SLC9A6: variants seen among roughly 807,000 people sequenced by gnomAD.
SLC9A6 encodes sodium/hydrogen exchanger 6.
In SLC9A6, 6 loss-of-function variants were observed where a neutral mutation model predicts 45.3. The observed-to-expected ratio is 0.13, with a 90% CI of 0.07 to 0.26. The LOEUF is 0.26. Ranked by LOEUF, SLC9A6 falls within the 10% of genes least tolerant of loss-of-function variation. SLC9A6 has a pLI of 1.00. For synonymous variants in SLC9A6, 191 were observed against 187.7 expected (o/e 1.02, Z -0.14); for missense variants, 278 against 503.7 (o/e 0.55, Z 4.29).
Position 135,994,959 on chromosome X carries a change from G to A in SLC9A6, c.343G>A (p.Val115Ile). 1 of 1,196,245 alleles carries A rather than the reference G, an allele frequency of 8.4e-7. No individual in the cohort carries two copies. Among genetic ancestry groups the A allele is most frequent in the Non-Finnish European group, 1.1e-6 (1 of 881,530 alleles). Residue 115 changes from valine (V) to isoleucine (I), a missense_variant, in exon 3 of 18, where the codon GTT becomes ATT. Coordinates refer to ENST00000630721, the MANE Select transcript of SLC9A6 (RefSeq NM_001379110.1). ...GEISSHELNN[V>I]QDNEMLRKVT... is the part of the protein sequence containing the mutation. ...GATTAGTTCACATGAACTCAATAAT[G>A]TTCAAGATAATGAAATGCTTAGAAA...
rs147078298 is a variant in SLC9A6, at chrX:136,015,575, G to A, written c.1081-1070G>A. ...CACTGAGTTTTTGTGGGATTAAAAC[G>A]AGATAATGCATATGAAGTCCTTAGT... On this transcript the variant is annotated intron_variant, in intron 10 of 17. Coordinates refer to ENST00000630721, the MANE Select transcript of SLC9A6 (RefSeq NM_001379110.1). Among the ~76,000 whole-genome samples the A allele has an allele frequency of 5.0e-3, 555 of 111,712 alleles. 2 individuals carry two copies. Among genetic ancestry groups the A allele is most frequent in the African/African-American group, 0.017 (535 of 30,808 alleles).
At chrX:135,999,488 A>G (rs1001482523) in intron 6 of SLC9A6, among the ~76,000 whole-genome samples, 5 of 112,201 alleles carry the variant, frequency 4.5e-5, no homozygotes, top group Admixed American at 2.9e-4. Flanking sequence ...GGACTTTAAT[A>G]TACATTAAAG....
chrX:136,009,671 T>G (rs2070881897), intron 7 of SLC9A6, among the ~76,000 whole-genome samples: 2 of 112,293 alleles, frequency 1.8e-5, no homozygotes, highest in African/African-American at 6.5e-5. Flanking sequence ...CTCAGGCATT[T>G]CTATTTCCTG....
chrX:136,041,981 A>C (rs998702320), intron 17 of SLC9A6, among the ~76,000 whole-genome samples: 32 of 110,368 alleles, frequency 2.9e-4, no homozygotes, highest in African/African-American at 1.1e-3. Flanking sequence ...ACCTGTGTGC[A>C]TGCCTACTTC....
intron 11 of SLC9A6, among the ~76,000 whole-genome samples, chrX:136,017,184 T>C (rs6635211): frequency 0.073 from 8,106 of 110,290 alleles, 329 homozygotes; most frequent in African/African-American, 0.16. Context: ...CTTTCTCTCA[T>C]ATATATACAA....
In SLC9A6 at chrX:136,033,596, A is replaced by G. The variant is rs1289411292; in HGVS notation, c.1661+103A>G. ...CTATTCTCTTCCTGGAGCAGAATAT[A>G]AAACCTACCTTTCATCTTCCCTTTC... On this transcript the variant is annotated intron_variant, in intron 16 of 17. Coordinates refer to ENST00000630721, the MANE Select transcript of SLC9A6 (RefSeq NM_001379110.1). The G allele has an allele frequency of 8.7e-6, 4 of 460,901 alleles. No homozygotes were observed. The African/African-American group carries it at 9.7e-5, about 11-fold the overall frequency. The allele number at this position is 460,901 out of a possible 1,213,427, so 38.0% of individuals were successfully genotyped here.
At chrX:135,983,617 T>C (rs1456374621), upstream of SLC9A6, 1 of 107,878 alleles carries the variant, frequency 9.3e-6, no homozygotes, top group Non-Finnish European at 1.9e-5. Flanking sequence ...CATACTAAGT[T>C]GCTGGGGCCA....
chrX:135,975,454 C>G (rs1421081423), intron 1 of SLC9A6, among the ~76,000 whole-genome samples: 1 of 112,234 alleles, frequency 8.9e-6, no homozygotes, highest in Non-Finnish European at 1.9e-5. Context: ...TTCTGTTCTA[C>G]TTTTTATATC....
At chrX:136,018,239 G>T (rs1556619534) in intron 11 of SLC9A6, among the ~76,000 whole-genome samples, 1 of 111,809 alleles carries the variant, frequency 8.9e-6, no homozygotes. Flanking sequence ...GAAGATGGAG[G>T]TTCGTGAAAT....
intron 10 of SLC9A6, among the ~76,000 whole-genome samples, chrX:136,016,138 AG>A (rs1196248703): frequency 1.8e-5 from 2 of 111,607 alleles, no homozygotes; most frequent in Non-Finnish European, 3.8e-5. Flanking sequence ...GTGAAGTCAC[AG>A]GGCAAGCTGG....
intron 3 of SLC9A6, among the ~76,000 whole-genome samples, chrX:135,995,896 T>C (rs1386005060): frequency 5.4e-5 from 6 of 110,200 alleles, no homozygotes; most frequent in Non-Finnish European, 1.1e-4. Flanking sequence ...TTCTCCTGTC[T>C]CCCTCATAGG....
chrX:136,003,062 C>G (rs2089606288), intron 7 of SLC9A6, among the ~76,000 whole-genome samples: 1 of 108,192 alleles, frequency 9.2e-6, no homozygotes, highest in African/African-American at 3.4e-5. Flanking sequence ...GGTCTTGGCT[C>G]ACTGCAACCT....
chrX:135,978,643 C>T (rs2148124995), intron 1 of SLC9A6, among the ~76,000 whole-genome samples: 1 of 101,480 alleles, frequency 9.9e-6, no homozygotes, highest in South Asian at 4.4e-4. Flanking sequence ...CAGAGCGAGA[C>T]TCCATCTCAA....
In SLC9A6 at chrX:135,998,465, T is replaced by TTC; in HGVS notation, c.448-16_448-15insCT. The TTC allele has an allele frequency of 1.1e-6, 1 of 882,169 alleles. No individual in the cohort carries two copies. Among genetic ancestry groups the TTC allele is most frequent in the Non-Finnish European group, 1.5e-6 (1 of 686,634 alleles). 72.7% of individuals were successfully genotyped at this position (882,169 alleles called of 1,213,427 possible). A position where few individuals can be genotyped will look rare whatever the true frequency, so the allele number is the denominator to read the frequency against. On this transcript the variant is annotated splice_polypyrimidine_tract_variant and intron_variant, in intron 4 of 17. Transcript: ENST00000630721. ...CTGGTAAGTATTCTAACAGTGTAAC[T>TTC]TTTTTTTTTTTGTCAGAGACATTTT...
At chrX:136,004,388 C>A (rs1411296695) in intron 7 of SLC9A6, among the ~76,000 whole-genome samples, 1 of 111,097 alleles carries the variant, frequency 9.0e-6, no homozygotes, top group Non-Finnish European at 1.9e-5. Context: ...CATGCCTGGC[C>A]CCTGCCTACC....
intron 2 of SLC9A6, among the ~76,000 whole-genome samples, chrX:135,987,651 AT>A (rs1199495219): frequency 9.8e-5 from 10 of 101,828 alleles, no homozygotes; most frequent in African/African-American, 2.5e-4. Flanking sequence ...TTTTTCTTTG[AT>A]TTTTTTTTCT....
intron 1 of SLC9A6, among the ~76,000 whole-genome samples, chrX:135,978,829 C>T (rs1411713840): frequency 4.5e-5 from 5 of 110,535 alleles, no homozygotes; most frequent in Non-Finnish European, 9.4e-5. Flanking sequence ...TTGAAACTTA[C>T]ATTTGTTTGA....
Position 136,010,562 on chromosome X carries a change from T to C in SLC9A6, c.864T>C (p.Ala288=). ...IFSGSFAMGA[A]TGVVTALVTK... The stretch of plus-strand genomic sequence containing the variant: ...GTGGATCTTTTGCAATGGGTGCTGC[T>C]ACTGGAGTGGTGACAGCTTTAATAT... The change falls in exon 8 of 18, where the codon GCT becomes GCC. Residue 288 remains alanine, a synonymous_variant. Transcript: ENST00000630721. The C allele has an allele frequency of 8.3e-7, 1 of 1,210,595 alleles. No individual in the cohort carries two copies. The highest frequency in any genetic ancestry group is 1.1e-6 in the Non-Finnish European group (1 of 894,244).
rs1556618479 is a variant in SLC9A6 at position 136,010,430 on chromosome X, T to C, written c.744-12T>C. The C allele has an allele frequency of 1.7e-6, 2 of 1,209,931 alleles. No individual in the cohort carries two copies. Among genetic ancestry groups the C allele is most frequent in the Admixed American group, 4.3e-5 (2 of 45,992 alleles). ...GTTGTTTTCAGAAGTAAAAGCAGTC[T>C]CTCTTCTGTAGCTCAATAGTGGCAT... is the stretch of plus-strand genomic sequence containing the variant. On this transcript the variant is annotated splice_polypyrimidine_tract_variant and intron_variant, in intron 7 of 17. Coordinates refer to ENST00000630721, the MANE Select transcript of SLC9A6 (RefSeq NM_001379110.1).
Sources: gnomAD v4.1 joint callset for allele counts (sites outside exome capture counted in the v4.1 genomes callset) on GRCh38, gnomAD v4.1.1 for gene constraint, MANE v1.5 for transcripts, NCBI Gene and HGNC (gene_info 2026-07-23, HGNC 2026-07-21) for gene names.